GAB3: variants seen among roughly 807,000 people sequenced by gnomAD.
The protein encoded by GAB3 is GRB2-associated-binding protein 3.
A neutral mutation model predicts 40.4 loss-of-function variants in GAB3; 12 were observed. The observed-to-expected ratio is 0.30, with a 90% CI of 0.19 to 0.48. The LOEUF (loss-of-function observed/expected upper bound fraction) is 0.48, where lower values mean the gene tolerates loss of function less well. Among genes scored for constraint, GAB3 ranks in the 20% least tolerant of loss-of-function variants. The pLI, the probability that GAB3 is intolerant of heterozygous loss-of-function variation, is 0.99. For synonymous variants in GAB3, 154 were observed against 176.7 expected, an observed-to-expected ratio of 0.87 and a Z score of 1.02; for missense variants, 381 against 461.9, an observed-to-expected ratio of 0.82 and a Z score of 1.61.
chrX:154,734,127 A>C (rs1306731818), intron 1 of GAB3, among the ~76,000 whole-genome samples: 2 of 112,703 alleles, frequency 1.8e-5, no homozygotes, highest in African/African-American at 6.5e-5. Flanking sequence ...TCTTGTTAGC[A>C]CTAAAAGCCA....
chrX:154,741,115 A>G (rs782393190), intron 1 of GAB3, among the ~76,000 whole-genome samples: 7 of 111,938 alleles, frequency 6.3e-5, no homozygotes, highest in Non-Finnish European at 1.1e-4. Context: ...AAGTCTCACA[A>G]GATCTGATGG....
chrX:154,694,208 C>A (rs782562952), intron 8 of GAB3, among the ~76,000 whole-genome samples: 1 of 111,495 alleles, frequency 9.0e-6, no homozygotes, highest in Non-Finnish European at 1.9e-5. Flanking sequence ...GATGGGATAG[C>A]CTTTAAACAT....
At chrX:154,722,159 A>G (rs1482873336) in intron 1 of GAB3, among the ~76,000 whole-genome samples, 1 of 111,874 alleles carries the variant, frequency 8.9e-6, no homozygotes, top group Non-Finnish European at 1.9e-5. Flanking sequence ...TCTAGAGGAC[A>G]TTATGTTAAG....
At chrX:154,711,201 G>C (rs1201669291) in intron 4 of GAB3, among the ~76,000 whole-genome samples, 1 of 111,954 alleles carries the variant, frequency 8.9e-6, no homozygotes, top group Non-Finnish European at 1.9e-5. Context: ...AATAAGTAGT[G>C]ATGTGTGGGT....
chrX:154,733,839 T>C (rs2071327779), intron 1 of GAB3, among the ~76,000 whole-genome samples: 1 of 112,506 alleles, frequency 8.9e-6, no homozygotes, highest in Non-Finnish European at 1.9e-5. Context: ...ATAAGGGTCA[T>C]AGCTCAAGAG....
In GAB3 at chrX:154,680,516, G is replaced by A. The variant is rs782798212; in HGVS notation, c.1531-268C>T. ...TCACTCAAAAAGGAATTTGCTTCAC[G>A]AATCTGACAGGCCTGTGATACTTCA... On this transcript the variant is annotated intron_variant, in intron 8 of 9. Coordinates refer to ENST00000424127, the MANE Select transcript of GAB3 (RefSeq NM_001081573.3). Among the ~76,000 whole-genome samples, 16 of 112,419 alleles carry A rather than the reference G, an allele frequency of 1.4e-4. No homozygotes were observed. The South Asian group carries it at 5.9e-3, about 41-fold the overall frequency.
intron 1 of GAB3, among the ~76,000 whole-genome samples, chrX:154,720,336 T>C (rs1305458115): frequency 2.7e-5 from 3 of 112,202 alleles, no homozygotes; most frequent in Non-Finnish European, 5.6e-5. Flanking sequence ...GATTGTGTAA[T>C]AATTATAGTA....
At chrX:154,726,397 G>C (rs1335650504) in intron 1 of GAB3, among the ~76,000 whole-genome samples, 4 of 111,839 alleles carry the variant, frequency 3.6e-5, no homozygotes, top group Non-Finnish European at 7.5e-5. Flanking sequence ...GAATCACCCA[G>C]AGAGCTGTTA....
intron 4 of GAB3, among the ~76,000 whole-genome samples, chrX:154,709,413 C>T (rs1215140922): frequency 9.2e-6 from 1 of 108,154 alleles, no homozygotes; most frequent in East Asian, 2.9e-4. Context: ...CTCTGCCTCC[C>T]AGGTTCAAGC....
chrX:154,738,923 CCA>C (rs782709956), intron 1 of GAB3, among the ~76,000 whole-genome samples: 36 of 111,773 alleles, frequency 3.2e-4, no homozygotes, highest in Non-Finnish European at 6.2e-4. Context: ...ATTCCCAACT[CCA>C]GTTATAGAAG....
At chrX:154,726,883 T>G (rs1269573260) in intron 1 of GAB3, among the ~76,000 whole-genome samples, 1 of 111,373 alleles carries the variant, frequency 9.0e-6, no homozygotes, top group Non-Finnish European at 1.9e-5. Context: ...AATCCACTTC[T>G]CTCCATGCAC....
At chrX:154,706,532 C>T (rs1405510307) in intron 4 of GAB3, among the ~76,000 whole-genome samples, 1 of 111,306 alleles carries the variant, frequency 9.0e-6, no homozygotes, top group Non-Finnish European at 1.9e-5. Flanking sequence ...ATATCAATTA[C>T]GTTCTTCACA....
rs1288386542 is a variant in GAB3, at chrX:154,677,365, G to A, written c.*813C>T. On this transcript the variant is annotated 3_prime_UTR_variant, in exon 10 of 10. Transcript: ENST00000424127. ...CAGAGGAAGTATGAGGTAGAGGAAT[G>A]AGCTTGCAATTGGCAGCCTGAACAA... 8.9e-6 allele frequency: 1 copy of A among 111,834 alleles called. No individual in the cohort carries two copies. The highest frequency in any genetic ancestry group is 1.9e-5 in the Non-Finnish European group (1 of 53,135). 9.2% of individuals were successfully genotyped at this position (111,834 alleles called of 1,213,427 possible).
chrX:154,695,844 T>A (rs1557250518), intron 8 of GAB3, 73 bp downstream of exon 8: 2 of 601,381 alleles, frequency 3.3e-6, no homozygotes, highest in Non-Finnish European at 5.3e-6. Flanking sequence ...AAGGATGTGT[T>A]TCCTTTACAA....
chrX:154,744,030 A>G (rs1557261651), intron 1 of GAB3, among the ~76,000 whole-genome samples: 1 of 109,816 alleles, frequency 9.1e-6, no homozygotes, highest in African/African-American at 3.3e-5. Context: ...CCTGGCCAAC[A>G]TGGTGAAACC....
At chrX:154,715,578 C>T (rs1283538115) in intron 2 of GAB3, among the ~76,000 whole-genome samples, 2 of 111,628 alleles carry the variant, frequency 1.8e-5, no homozygotes, top group African/African-American at 6.5e-5. Context: ...ATCTTTCTTG[C>T]CTACGATAAG....
At chrX:154,698,464 G>T (rs1278339313) in intron 6 of GAB3, among the ~76,000 whole-genome samples, 4 of 111,974 alleles carry the variant, frequency 3.6e-5, no homozygotes, top group Non-Finnish European at 7.5e-5. Flanking sequence ...GACCAGGCAT[G>T]AGTAGGGGTC....
At chrX:154,728,935 A>T (rs1376520551) in intron 1 of GAB3, among the ~76,000 whole-genome samples, 1 of 111,582 alleles carries the variant, frequency 9.0e-6, no homozygotes, top group Non-Finnish European at 1.9e-5. Context: ...TGGGTACATG[A>T]CTCTACACAG....
At chrX:154,744,019 T>A (rs782144620) in intron 1 of GAB3, among the ~76,000 whole-genome samples, 199 of 109,718 alleles carry the variant, frequency 1.8e-3, no homozygotes, top group African/African-American at 6.3e-3. Context: ...ATCGAGATCA[T>A]CCTGGCCAAC....
Sources: allele counts gnomAD v4.1 joint callset (sites outside exome capture counted in the v4.1 genomes callset), GRCh38; gene constraint gnomAD v4.1.1; transcripts MANE v1.5; gene names NCBI Gene and HGNC (gene_info 2026-07-23, HGNC 2026-07-21).